The following ABTB2 variants were observed in gnomAD, a reference collection of about 807,000 sequenced individuals.
ABTB2 encodes ankyrin repeat and BTB domain containing 2, also known as ankyrin repeat and BTB/POZ domain-containing protein 2.
Under a neutral mutation model 104.1 loss-of-function variants are expected in ABTB2, and 56 were observed. The observed-to-expected ratio is 0.54, with a 90% CI of 0.43 to 0.67. The LOEUF is 0.67. Among genes scored for constraint, ABTB2 ranks in the 30% least tolerant of loss-of-function variants. The pLI is 0.00. For missense variants in ABTB2, 1,279 were observed against 1,407.7 expected (o/e 0.91, Z 1.46); for synonymous variants, 606 against 608.2 (o/e 1.00, Z 0.05).
chr11:34,274,562 C>T (rs1264363223), intron 1 of ABTB2, among the ~76,000 whole-genome samples: 3 of 116,594 alleles, frequency 2.6e-5, no homozygotes, highest in African/African-American at 9.2e-5. Flanking sequence ...TTGGAATATA[C>T]ACACACACAC....
At chr11:34,220,423 G>A (rs962051840) in intron 1 of ABTB2, among the ~76,000 whole-genome samples, 1 of 152,216 alleles carries the variant, frequency 6.6e-6, no homozygotes, top group Non-Finnish European at 1.5e-5. Flanking sequence ...AGGGTTTCTG[G>A]GAAATACTAC....
chr11:34,290,331 AG>A (rs770839897), intron 1 of ABTB2, among the ~76,000 whole-genome samples: 3 of 152,236 alleles, frequency 2.0e-5, no homozygotes, highest in Non-Finnish European at 2.9e-5. Context: ...GAAGGCCAAA[AG>A]TTTCTTTTGC....
intron 1 of ABTB2, among the ~76,000 whole-genome samples, chr11:34,256,583 G>A (rs536686430): frequency 1.3e-5 from 2 of 152,310 alleles, no homozygotes; most frequent in South Asian, 4.1e-4. Flanking sequence ...AGAAGCCAGG[G>A]TTGGGGGAGA....
chr11:34,173,104 G>T, intron 4 of ABTB2, 51 bp downstream of exon 4: 1 of 1,609,340 alleles, frequency 6.2e-7, no homozygotes, highest in South Asian at 1.1e-5. Flanking sequence ...GAGGGGAGCC[G>T]CTGGGGGCAG....
At chr11:34,185,066 T>C (rs1036701059) in intron 3 of ABTB2, among the ~76,000 whole-genome samples, 6 of 152,212 alleles carry the variant, frequency 3.9e-5, no homozygotes, top group Admixed American at 1.3e-4. Flanking sequence ...TTGTTTAGGC[T>C]CTTGGGATAG....
In ABTB2 at chr11:34,336,317, G is replaced by C. The variant is rs142056317; in HGVS notation, c.883+20384C>G. On this transcript the variant is annotated intron_variant, in intron 1 of 16. Coordinates refer to ENST00000435224, the MANE Select transcript of ABTB2 (RefSeq NM_145804.3). ...AAGGCAGGTACTACTATCATTCCAAGTTTATAGATTAAAAAACAAATAGGT... is the reference window on the plus strand; with the variant it reads ...AAGGCAGGTACTACTATCATTCCAACTTTATAGATTAAAAAACAAATAGGT... 2.6e-5 allele frequency among the ~76,000 whole-genome samples: 4 copies of C among 152,102 alleles called. No homozygotes were observed. In the East Asian group the frequency reaches 5.8e-4, roughly 22 times the overall value.
intron 6 of ABTB2, 77 bp downstream of exon 6, chr11:34,167,826 C>G (rs1852821518): frequency 1.4e-6 from 2 of 1,466,578 alleles, no homozygotes; most frequent in Admixed American, 3.5e-5. Flanking sequence ...AACATCACGC[C>G]CAGCGTGTTT....
intron 1 of ABTB2, among the ~76,000 whole-genome samples, chr11:34,263,470 C>A (rs1359145186): frequency 6.6e-6 from 1 of 152,162 alleles, no homozygotes; most frequent in Non-Finnish European, 1.5e-5. Context: ...TGAGTGCAGA[C>A]CCCTCCCTCA....
chr11:34,155,299 C>G (rs1032439185), intron 14 of ABTB2, among the ~76,000 whole-genome samples: 4 of 152,220 alleles, frequency 2.6e-5, no homozygotes, highest in Admixed American at 1.3e-4. Flanking sequence ...GGTGAGTGCC[C>G]CATCTGGGCT....
In ABTB2 at chr11:34,161,022, G is replaced by A. The variant is rs966151779; in HGVS notation, c.2278C>T (p.Arg760Trp). ...AGGAGGCTCTGCACCACCGAGTACCGCGACTGCGAGAACGAGGTCCTCAGA... is the reference window on the plus strand; with the variant it reads ...AGGAGGCTCTGCACCACCGAGTACCACGACTGCGAGAACGAGGTCCTCAGA... Reference protein sequence around the residue: ...ESLRTSFSQSRYSVVQSLLRD... With the variant: ...ESLRTSFSQSWYSVVQSLLRD... The change falls in exon 11 of 17, where the codon CGG becomes TGG. Residue 760 changes from arginine to tryptophan, a missense_variant. By Grantham distance (101) the Arg-to-Trp change is moderately radical (BLOSUM62 -3). Coordinates refer to ENST00000435224, the MANE Select transcript of ABTB2 (RefSeq NM_145804.3). The A allele has an allele frequency of 9.9e-6, 16 of 1,613,340 alleles. No individual in the cohort carries two copies. The highest frequency in any genetic ancestry group is 1.7e-4 in the Middle Eastern group (1 of 6,054).
intron 1 of ABTB2, among the ~76,000 whole-genome samples, chr11:34,270,719 G>GT (rs1460413463): frequency 2.0e-5 from 3 of 152,230 alleles, no homozygotes; most frequent in African/African-American, 7.2e-5. Flanking sequence ...AACAAGTGGA[G>GT]TTTGGGGGGT....
intron 3 of ABTB2, among the ~76,000 whole-genome samples, chr11:34,195,991 G>A (rs779869877): frequency 3.9e-5 from 6 of 152,148 alleles, no homozygotes; most frequent in African/African-American, 7.2e-5. Flanking sequence ...ACTGAGGCCC[G>A]TGGGCTCTGC....
At chr11:34,153,428 G>A (rs1290149227) in intron 16 of ABTB2, among the ~76,000 whole-genome samples, 3 of 152,136 alleles carry the variant, frequency 2.0e-5, no homozygotes, top group East Asian at 1.9e-4. Context: ...GCTGGAGTGC[G>A]CATGATCACA....
At chr11:34,153,518 G>A (rs76948748) in intron 16 of ABTB2, among the ~76,000 whole-genome samples, 8 of 152,120 alleles carry the variant, frequency 5.3e-5, no homozygotes, top group Admixed American at 3.9e-4. Flanking sequence ...ACAGATGCAC[G>A]CCACCACACT....
intron 16 of ABTB2, 34 bp from the exon 17 acceptor site, chr11:34,152,618 C>T (rs375877700): frequency 4.8e-5 from 77 of 1,588,708 alleles, no homozygotes; most frequent in South Asian, 9.0e-5. Flanking sequence ...TGAAGCCCAT[C>T]GCCTTAGTAC....
chr11:34,258,789 C>T lies in ABTB2; in HGVS notation c.884-54099G>A, dbSNP rs780515283. Reference sequence around the variant, plus strand: ...CTAATTTTTGTATTTTTAGTAGAGACGGGGTTTCACCATGTTGGCCAGGCT... The same window carrying T: ...CTAATTTTTGTATTTTTAGTAGAGATGGGGTTTCACCATGTTGGCCAGGCT... On this transcript the variant is annotated intron_variant, in intron 1 of 16. Coordinates refer to ENST00000435224, the MANE Select transcript of ABTB2 (RefSeq NM_145804.3). Among the ~76,000 whole-genome samples the T allele has an allele frequency of 4.2e-4, 64 of 151,864 alleles. No individual in the cohort carries two copies. In the Middle Eastern group the frequency reaches 0.01, roughly 24 times the overall value.
intron 1 of ABTB2, among the ~76,000 whole-genome samples, chr11:34,352,602 G>A (rs1855412118): frequency 6.6e-6 from 1 of 152,172 alleles, no homozygotes; most frequent in Admixed American, 6.5e-5. Context: ...ACTATTTATT[G>A]AGCATTTACT....
chr11:34,266,627 C>A (rs1383791587), intron 1 of ABTB2, among the ~76,000 whole-genome samples: 2 of 151,090 alleles, frequency 1.3e-5, no homozygotes, highest in South Asian at 2.1e-4. Flanking sequence ...CCTGCCACCC[C>A]CTTCCTCCGA....
At chr11:34,205,338 T>C (rs1853396480) in intron 1 of ABTB2, among the ~76,000 whole-genome samples, 1 of 152,236 alleles carries the variant, frequency 6.6e-6, no homozygotes, top group Non-Finnish European at 1.5e-5. Context: ...TGTTTTTCAT[T>C]AACACTTCAA....
Sources: gnomAD v4.1 joint callset for allele counts (sites outside exome capture counted in the v4.1 genomes callset) on GRCh38, gnomAD v4.1.1 for gene constraint, MANE v1.5 for transcripts, NCBI Gene and HGNC (gene_info 2026-07-23, HGNC 2026-07-21) for gene names.